SGCD: variants seen among roughly 807,000 people sequenced by gnomAD.
SGCD encodes the protein delta-sarcoglycan.
In SGCD, 18 loss-of-function variants were observed where a neutral mutation model predicts 36.6. That is an observed-to-expected ratio of 0.49 (90% CI 0.34 to 0.73). The LOEUF is 0.73. Ranked by LOEUF, SGCD falls within the 30% of genes least tolerant of loss-of-function variation. SGCD has a pLI of 0.01. For synonymous variants in SGCD, 133 were observed against 130.6 expected (o/e 1.02, Z -0.12); for missense variants, 387 against 346.7 (o/e 1.12, Z -0.92).
chr5:156,753,138 G>C (rs1159133412), intron 7 of SGCD, among the ~76,000 whole-genome samples: 1 of 152,144 alleles, frequency 6.6e-6, no homozygotes, highest in Non-Finnish European at 1.5e-5. Context: ...TAACTCTAGG[G>C]GTGGACCCAG....
intron 1 of SGCD, among the ~76,000 whole-genome samples, chr5:155,916,727 T>A (rs1038805917): frequency 6.6e-6 from 1 of 152,236 alleles, no homozygotes; most frequent in African/African-American, 2.4e-5. Flanking sequence ...TTTACAGTCA[T>A]AGAATCTCAA....
At chr5:156,631,444 C>G (rs374827871) in intron 6 of SGCD, among the ~76,000 whole-genome samples, 1 of 147,636 alleles carries the variant, frequency 6.8e-6, no homozygotes, top group African/African-American at 2.5e-5. Flanking sequence ...TCTGCAGATA[C>G]GGGTTTTGAC....
At chr5:156,290,973 G>T (rs1379880397) in intron 3 of SGCD, among the ~76,000 whole-genome samples, 2 of 152,072 alleles carry the variant, frequency 1.3e-5, no homozygotes, top group Non-Finnish European at 2.9e-5. Flanking sequence ...TAAGATAATA[G>T]TTCTAGGACC....
At chr5:156,544,221 G>T (rs1338043917) in intron 4 of SGCD, among the ~76,000 whole-genome samples, 1 of 152,132 alleles carries the variant, frequency 6.6e-6, no homozygotes, top group Non-Finnish European at 1.5e-5. Context: ...GGAAAATTTT[G>T]AATAGCATAC....
At chr5:156,711,506 T>G (rs188764175) in intron 7 of SGCD, among the ~76,000 whole-genome samples, 119 of 152,314 alleles carry the variant, frequency 7.8e-4, no homozygotes, top group Non-Finnish European at 1.5e-3. Context: ...TAAGTACTTT[T>G]TAATCAATTG....
the SGCD span, among the ~76,000 whole-genome samples, chr5:155,806,120 AAAAC>A: frequency 2.6e-5 from 4 of 152,312 alleles, no homozygotes; most frequent in South Asian, 8.3e-4. Context: ...TATGATTTTT[AAAAC>A]AAACACTATT....
At chr5:156,005,432 TTG>T (rs1758739280) in intron 1 of SGCD, among the ~76,000 whole-genome samples, 1 of 59,210 alleles carries the variant, frequency 1.7e-5, no homozygotes, top group Admixed American at 1.5e-4. Context: ...TCAGTTTTTG[TTG>T]TTGTTGTTGT....
intron 3 of SGCD, among the ~76,000 whole-genome samples, chr5:156,179,157 GAAGT>G (rs1240084700): frequency 2.0e-5 from 3 of 152,082 alleles, no homozygotes; most frequent in Non-Finnish European, 1.5e-5. Context: ...GACATTTGGG[GAAGT>G]AAGTAAATGT....
At chr5:156,592,360 C>A (rs1409219894) in intron 5 of SGCD, among the ~76,000 whole-genome samples, 2 of 151,996 alleles carry the variant, frequency 1.3e-5, no homozygotes, top group Non-Finnish European at 2.9e-5. Flanking sequence ...AAGTAATAAC[C>A]CTAAAGCACT....
At chr5:156,583,457 C>T (rs1444950060) in intron 4 of SGCD, among the ~76,000 whole-genome samples, 1 of 152,186 alleles carries the variant, frequency 6.6e-6, no homozygotes. Context: ...CTTGCCCTAC[C>T]TCCACTCCAG....
intron 1 of SGCD, among the ~76,000 whole-genome samples, chr5:155,922,731 C>CT (rs1280774341): frequency 2.6e-5 from 4 of 152,122 alleles, no homozygotes; most frequent in Non-Finnish European, 4.4e-5. Flanking sequence ...CTCTCCCCCA[C>CT]TAGTGCATGT....
In SGCD at chr5:156,344,572, C is replaced by A. The variant is rs766362148; in HGVS notation, c.87C>A (p.Gly29=). Reference sequence around the variant, plus strand: ...AGGTATACAAGGTGGGGATTTATGGCTGGCGGAAACGATGCCTGTATTTCT... The same window carrying A: ...AGGTATACAAGGTGGGGATTTATGGATGGCGGAAACGATGCCTGTATTTCT... ...GPQVYKVGIY[G]WRKRCLYFFV... is the part of the protein sequence containing the mutation. The change falls in exon 3 of 9, where the codon GGC becomes GGA. Residue 29 remains glycine (G), a synonymous_variant. Coordinates refer to ENST00000337851, the MANE Select transcript of SGCD (RefSeq NM_000337.6). The A allele has an allele frequency of 6.2e-7, 1 of 1,612,328 alleles. No homozygotes were observed. Among genetic ancestry groups the A allele is most frequent in the Non-Finnish European group, 8.5e-7 (1 of 1,178,984 alleles).
chr5:155,974,357 G>T (rs753128448), intron 1 of SGCD, among the ~76,000 whole-genome samples: 8 of 152,050 alleles, frequency 5.3e-5, no homozygotes, highest in Admixed American at 4.6e-4. Context: ...TTCTTGGGCT[G>T]GTTCTGTTGT....
intron 3 of SGCD, among the ~76,000 whole-genome samples, chr5:156,362,894 A>G (rs1352740160): frequency 6.6e-6 from 1 of 152,216 alleles, no homozygotes; most frequent in African/African-American, 2.4e-5. Flanking sequence ...GCATTTAATT[A>G]AGGGGTACTC....
intron 3 of SGCD, among the ~76,000 whole-genome samples, chr5:156,159,402 A>T (rs913478508): frequency 2.0e-5 from 3 of 151,586 alleles, no homozygotes; most frequent in African/African-American, 7.3e-5. Flanking sequence ...GAGTTAAGCA[A>T]ATGAAAAAAA....
chr5:155,950,458 C>A (rs1757526569), intron 1 of SGCD, among the ~76,000 whole-genome samples: 1 of 152,176 alleles, frequency 6.6e-6, no homozygotes, highest in South Asian at 2.1e-4. Flanking sequence ...AGCGGTTAAA[C>A]CCGTCCCTGA....
Position 156,760,576 on chromosome 5 carries a change from A to C in SGCD, c.*1186A>C, listed in dbSNP as rs1239853922. 1 of 152,606 alleles carries C rather than the reference A, an allele frequency of 6.6e-6. No individual in the cohort carries two copies. The highest frequency in any genetic ancestry group is 1.5e-5 in the Non-Finnish European group (1 of 68,044). The allele number at this position is 152,606 out of a possible 1,614,324, so 9.5% of individuals were successfully genotyped here. A position where few individuals can be genotyped will look rare whatever the true frequency, so the allele number is the denominator to read the frequency against. On this transcript the variant is annotated 3_prime_UTR_variant, in exon 9 of 9. Coordinates refer to ENST00000337851, the MANE Select transcript of SGCD (RefSeq NM_000337.6). ...TACATGCCACCAGAATTGTGCACTGAAAGATAATACAAACTGAGTGTCTTT... is the reference window on the plus strand; with the variant it reads ...TACATGCCACCAGAATTGTGCACTGCAAGATAATACAAACTGAGTGTCTTT...
At chr5:156,754,590 A>G (rs1757269816) in intron 7 of SGCD, among the ~76,000 whole-genome samples, 2 of 152,216 alleles carry the variant, frequency 1.3e-5, no homozygotes. Context: ...GTTATTCTGG[A>G]ACTAATATGG....
At chr5:156,191,265 G>T (rs1159769168) in intron 3 of SGCD, among the ~76,000 whole-genome samples, 1 of 152,052 alleles carries the variant, frequency 6.6e-6, no homozygotes, top group Non-Finnish European at 1.5e-5. Context: ...TTGGAATCTT[G>T]AAGACATCAA....
Sources: gnomAD v4.1 joint callset for allele counts (sites outside exome capture counted in the v4.1 genomes callset) on GRCh38, gnomAD v4.1.1 for gene constraint, MANE v1.5 for transcripts, NCBI Gene and HGNC (gene_info 2026-07-23, HGNC 2026-07-21) for gene names.